Variants in ESRRB observed in about 807,000 individuals in gnomAD.
ESRRB encodes estrogen related receptor beta.
ESRRB carries 16 observed loss-of-function variants against 46.0 expected under a neutral mutation model. The ratio of observed to expected loss-of-function variants is 0.35; its 90% CI spans 0.24 to 0.53. The LOEUF (loss-of-function observed/expected upper bound fraction) is 0.53, where lower values mean the gene tolerates loss of function less well. Ranked by LOEUF, ESRRB falls within the 20% of genes least tolerant of loss-of-function variation. The probability of loss-of-function intolerance (pLI) is 0.93; values close to 1 mark genes in which losing one functional copy is unlikely to be tolerated. For synonymous variants in ESRRB, 246 were observed against 259.6 expected, an observed-to-expected ratio of 0.95 and a Z score of 0.50; for missense variants, 488 against 607.4, an observed-to-expected ratio of 0.80 and a Z score of 2.07.
intron 1 of ESRRB, among the ~76,000 whole-genome samples, chr14:76,412,868 T>A (rs1886502231): frequency 6.6e-6 from 1 of 152,112 alleles, no homozygotes; most frequent in African/African-American, 2.4e-5. Context: ...CTAATCCAAA[T>A]GACTCAGGAG....
intron 1 of ESRRB, among the ~76,000 whole-genome samples, chr14:76,313,061 G>T (rs924654394): frequency 6.6e-6 from 1 of 152,048 alleles, no homozygotes; most frequent in South Asian, 2.1e-4. Context: ...ATATTTTGTT[G>T]GGACATTTAG....
At chr14:76,479,807 T>A (rs191346572) in intron 3 of ESRRB, among the ~76,000 whole-genome samples, 2 of 152,304 alleles carry the variant, frequency 1.3e-5, no homozygotes, top group East Asian at 3.9e-4. Context: ...TTCTCAGATA[T>A]CCATTGAGGG....
intron 1 of ESRRB, among the ~76,000 whole-genome samples, chr14:76,426,557 A>T (rs1272775469): frequency 2.0e-5 from 3 of 152,244 alleles, no homozygotes; most frequent in African/African-American, 7.2e-5. Flanking sequence ...TTAAACTAAG[A>T]CATGCCATTG....
rs1178965415 is a variant in ESRRB at position 76,492,282 on chromosome 14, G to A, written c.1120+566G>A. ...GGGCTCAAGCCATCCTCCCACCTCAGCCTCCTGAGTAGCTGGAACTACAGG... is the reference window on the plus strand; with the variant it reads ...GGGCTCAAGCCATCCTCCCACCTCAACCTCCTGAGTAGCTGGAACTACAGG... On this transcript the variant is annotated intron_variant, in intron 6 of 6. Transcript: ENST00000644823. Among the ~76,000 whole-genome samples the A allele has an allele frequency of 2.6e-5, 4 of 152,154 alleles. No individual in the cohort carries two copies. In the East Asian group the frequency reaches 7.7e-4, roughly 29 times the overall value.
chr14:76,478,760 T>A (rs1173864351), intron 3 of ESRRB, among the ~76,000 whole-genome samples: 1 of 152,090 alleles, frequency 6.6e-6, no homozygotes, highest in Non-Finnish European at 1.5e-5. Flanking sequence ...GAGGCTTCTA[T>A]GTAGACATGT....
intron 1 of ESRRB, among the ~76,000 whole-genome samples, chr14:76,334,384 C>T (rs962463890): frequency 6.6e-6 from 1 of 152,168 alleles, no homozygotes; most frequent in African/African-American, 2.4e-5. Flanking sequence ...GGTACGAATC[C>T]TGGGCGGAGG....
At chr14:76,350,998 A>C (rs1425186829) in intron 1 of ESRRB, among the ~76,000 whole-genome samples, 1 of 152,102 alleles carries the variant, frequency 6.6e-6, no homozygotes, top group Non-Finnish European at 1.5e-5. Flanking sequence ...ACTGGTAACC[A>C]TGGGTCTATT....
chr14:76,472,523 G>A (rs183831975), intron 3 of ESRRB, among the ~76,000 whole-genome samples: 6 of 152,382 alleles, frequency 3.9e-5, no homozygotes, highest in Admixed American at 3.9e-4. Flanking sequence ...GAGGCACTCT[G>A]CCTTTACGGT....
At chr14:76,383,344 T>G (rs1051255314) in intron 1 of ESRRB, among the ~76,000 whole-genome samples, 66 of 37,058 alleles carry the variant, frequency 1.8e-3, no homozygotes, top group African/African-American at 4.4e-3. Flanking sequence ...TTTTTATTGG[T>G]TTTTTTTTTG....
At chr14:76,409,992 G>A (rs12895519) in intron 1 of ESRRB, among the ~76,000 whole-genome samples, 8 of 152,274 alleles carry the variant, frequency 5.3e-5, no homozygotes, top group African/African-American at 1.9e-4. Context: ...GAGAGGCTGA[G>A]GGGGGTGGAT....
intron 1 of ESRRB, among the ~76,000 whole-genome samples, chr14:76,408,002 G>A (rs2139854682): frequency 6.6e-6 from 1 of 152,248 alleles, no homozygotes; most frequent in Admixed American, 6.5e-5. Context: ...ACAGACCTCA[G>A]GTCACATAGG....
At chr14:76,339,979 A>C (rs527793052) in intron 1 of ESRRB, among the ~76,000 whole-genome samples, 1 of 152,140 alleles carries the variant, frequency 6.6e-6, no homozygotes, top group Non-Finnish European at 1.5e-5. Flanking sequence ...TCATCTTATC[A>C]ATCAGGACTT....
chr14:76,362,177 C>T (rs1324097727), intron 1 of ESRRB, among the ~76,000 whole-genome samples: 3 of 152,178 alleles, frequency 2.0e-5, no homozygotes, highest in Non-Finnish European at 2.9e-5. Flanking sequence ...ATGTCTGCTA[C>T]GTGCTAGGCA....
Position 76,482,587 on chromosome 14 carries a change from G to T in ESRRB, c.689-11G>T. On this transcript the variant is annotated splice_polypyrimidine_tract_variant and intron_variant, in intron 4 of 6. Transcript: ENST00000644823. This position sits in a 1 kb window ranked among gnomAD's most constrained non-coding sequence, Gnocchi z 4.3. ...TCCCAGCATTTACCTTTCCCTCTTT[G>T]GTTGTTGCAGTGACCAAGATTGTCT... 3.1e-6 allele frequency: 5 copies of T among 1,613,600 alleles called. No individual in the cohort carries two copies. The highest frequency in any genetic ancestry group is 1.7e-5 in the Admixed American group (1 of 60,006).
upstream of ESRRB, among the ~76,000 whole-genome samples, chr14:76,374,875 C>G (rs1884709807): frequency 6.6e-6 from 1 of 152,148 alleles, no homozygotes; most frequent in African/African-American, 2.4e-5. Flanking sequence ...CCAACCTGCA[C>G]GAGCACATTT....
At chr14:76,407,830 C>T (rs879207270) in intron 1 of ESRRB, among the ~76,000 whole-genome samples, 2 of 152,244 alleles carry the variant, frequency 1.3e-5, no homozygotes, top group Non-Finnish European at 2.9e-5. Flanking sequence ...AGGGAGGCAG[C>T]TAGCTTGCTT....
intron 1 of ESRRB, among the ~76,000 whole-genome samples, chr14:76,399,102 G>A (rs184337412): frequency 2.2e-4 from 33 of 152,252 alleles, no homozygotes; most frequent in African/African-American, 7.5e-4. Context: ...TTTTGCAGAT[G>A]GGTCCAAACA....
At chr14:76,462,768 AC>A in intron 3 of ESRRB, 107 bp downstream of exon 3, 2 of 885,842 alleles carry the variant, frequency 2.3e-6, no homozygotes, top group Non-Finnish European at 3.8e-6. Flanking sequence ...CCAGGGTGAG[AC>A]CCAGTCTGAG....
chr14:76,402,543 G>A (rs138815463), intron 1 of ESRRB, among the ~76,000 whole-genome samples: 31 of 152,326 alleles, frequency 2.0e-4, no homozygotes, highest in Middle Eastern at 6.8e-3. Context: ...CCCTGGAGAT[G>A]TAACATTAGA....
Sources: allele counts gnomAD v4.1 joint callset (sites outside exome capture counted in the v4.1 genomes callset), GRCh38; gene constraint gnomAD v4.1.1; non-coding constraint Gnocchi (gnomAD v3.1); transcripts MANE v1.5; gene names NCBI Gene and HGNC (gene_info 2026-07-23, HGNC 2026-07-21).